The following PHEX variants were observed in gnomAD, a reference collection of about 807,000 sequenced individuals.
The protein encoded by PHEX is phosphate regulating endopeptidase X-linked, also known as phosphate-regulating neutral endopeptidase PHEX.
PHEX carries 16 observed loss-of-function variants against 68.0 expected under a neutral mutation model. The ratio of observed to expected loss-of-function variants is 0.24; its 90% CI spans 0.16 to 0.36. The LOEUF (loss-of-function observed/expected upper bound fraction) is 0.36, where lower values mean the gene tolerates loss of function less well. Among genes scored for constraint, PHEX ranks in the 10% least tolerant of loss-of-function variants. The probability of loss-of-function intolerance (pLI) is 1.00; values close to 1 mark genes in which losing one functional copy is unlikely to be tolerated. For missense variants in PHEX, 480 were observed against 575.5 expected, an observed-to-expected ratio of 0.83 and a Z score of 1.70; for synonymous variants, 208 against 205.1, an observed-to-expected ratio of 1.01 and a Z score of -0.12.
intron 3 of PHEX, among the ~76,000 whole-genome samples, chrX:22,061,947 G>T (rs1602262776): frequency 1.8e-5 from 2 of 111,780 alleles, no homozygotes; most frequent in East Asian, 5.6e-4. Context: ...TCAGGAAACT[G>T]AAAATCATGG....
At chrX:22,199,598 C>A (rs1000006276) in intron 15 of PHEX, among the ~76,000 whole-genome samples, 1 of 111,421 alleles carries the variant, frequency 9.0e-6, no homozygotes, top group African/African-American at 3.3e-5. Flanking sequence ...ATGCTACTTG[C>A]CTGTTAGTCA....
chrX:22,101,212 A>G (rs1236460349), intron 9 of PHEX, among the ~76,000 whole-genome samples: 1 of 111,914 alleles, frequency 8.9e-6, no homozygotes, highest in Non-Finnish European at 1.9e-5. Context: ...CAAATCCCAA[A>G]TCTCTTTCAC....
At chrX:22,206,531 A>G (rs1290175859) in intron 15 of PHEX, among the ~76,000 whole-genome samples, 1 of 111,606 alleles carries the variant, frequency 9.0e-6, no homozygotes, top group African/African-American at 3.3e-5. Flanking sequence ...ACTGTCTTAG[A>G]TGGTGGTAAG....
chrX:22,239,960 G>A (rs1051902531), intron 20 of PHEX, among the ~76,000 whole-genome samples: 31 of 111,787 alleles, frequency 2.8e-4, no homozygotes, highest in African/African-American at 9.7e-4. Flanking sequence ...AGGTTGAAAT[G>A]AAGGAAAAAA....
intron 14 of PHEX, among the ~76,000 whole-genome samples, chrX:22,184,392 A>G (rs144421437): frequency 0.017 from 1,874 of 111,215 alleles, 48 homozygotes; most frequent in African/African-American, 0.058. Context: ...GAGTAGCTCT[A>G]CTACACTAGT....
chrX:22,242,848 T>G (rs1354620901), intron 20 of PHEX, among the ~76,000 whole-genome samples: 2 of 111,882 alleles, frequency 1.8e-5, no homozygotes, highest in African/African-American at 6.5e-5. Flanking sequence ...AAAATGGCCA[T>G]ACTGCTCAAG....
In PHEX at chrX:22,032,994, A is replaced by G. The variant is rs2146974164; in HGVS notation, c.-12A>G. 3 of 1,171,201 alleles carry G rather than the reference A, an allele frequency of 2.6e-6. No individual in the cohort carries two copies. Among genetic ancestry groups the G allele is most frequent in the South Asian group, 1.8e-5 (1 of 56,010 alleles). On this transcript the variant is annotated 5_prime_UTR_variant, in exon 1 of 22. Transcript: ENST00000379374. ...GTGACTTTCTTCTCGTGTGCTCTCT[A>G]CGGCCCTTCTGATGGAAGCAGAAAC...
chrX:22,167,906 CCT>C (rs758641969), intron 12 of PHEX, among the ~76,000 whole-genome samples: 1 of 111,291 alleles, frequency 9.0e-6, no homozygotes, highest in Non-Finnish European at 1.9e-5. Context: ...CATATTTTTG[CCT>C]CTGTCTTTGC....
chrX:22,166,135 T>C (rs1046743975), intron 12 of PHEX, among the ~76,000 whole-genome samples: 1 of 112,095 alleles, frequency 8.9e-6, no homozygotes, highest in Non-Finnish European at 1.9e-5. Context: ...TTTGTCTATC[T>C]AAATGATGGT....
At chrX:22,040,054 G>T (rs925687458) in intron 2 of PHEX, among the ~76,000 whole-genome samples, 1 of 111,718 alleles carries the variant, frequency 9.0e-6, no homozygotes, top group East Asian at 2.8e-4. Flanking sequence ...AAACCTGGGG[G>T]TCCCACACAC....
chrX:22,222,019 C>T (rs1441208352), intron 18 of PHEX, among the ~76,000 whole-genome samples: 1 of 111,712 alleles, frequency 9.0e-6, no homozygotes, highest in African/African-American at 3.3e-5. Context: ...ATCTATTATA[C>T]TTGTAGATGA....
At chrX:22,141,863 C>A (rs1440170730) in intron 12 of PHEX, among the ~76,000 whole-genome samples, 1 of 112,290 alleles carries the variant, frequency 8.9e-6, no homozygotes. Flanking sequence ...GAAAGGCATT[C>A]TTGAACAATG....
intron 12 of PHEX, among the ~76,000 whole-genome samples, chrX:22,160,726 G>A (rs1933096021): frequency 9.0e-6 from 1 of 110,963 alleles, no homozygotes; most frequent in Admixed American, 9.6e-5. Flanking sequence ...GGGAATTATG[G>A]GAGCTACAAT....
chrX:22,172,321 C>T (rs1238046992), intron 13 of PHEX: 1 of 111,431 alleles, frequency 9.0e-6, no homozygotes, highest in Non-Finnish European at 1.9e-5. Context: ...TCAGTATTAG[C>T]CAGGAAAGCA....
At chrX:22,060,710 T>C (rs1168468086) in intron 3 of PHEX, among the ~76,000 whole-genome samples, 1 of 111,663 alleles carries the variant, frequency 9.0e-6, no homozygotes, top group Non-Finnish European at 1.9e-5. Flanking sequence ...CATTTCACTT[T>C]AGAAGATTGT....
At chrX:22,090,374 T>A (rs1336377230) in intron 5 of PHEX, 55 bp from the exon 6 acceptor site, 2 of 927,176 alleles carry the variant, frequency 2.2e-6, no homozygotes, top group South Asian at 2.0e-5. Context: ...CTTGTTAACA[T>A]GGTACGTAAG....
At chrX:22,165,808 C>G (rs1004284764) in intron 12 of PHEX, among the ~76,000 whole-genome samples, 2 of 111,765 alleles carry the variant, frequency 1.8e-5, no homozygotes, top group East Asian at 5.6e-4. Flanking sequence ...TAAAGTTTCT[C>G]TAAAGCAAGG....
At chrX:22,071,336 A>G (rs1448790396) in intron 3 of PHEX, among the ~76,000 whole-genome samples, 2 of 111,937 alleles carry the variant, frequency 1.8e-5, no homozygotes, top group Non-Finnish European at 3.8e-5. Flanking sequence ...TGAGATGTGA[A>G]AAAAAGAGAT....
chrX:22,141,390 G>A (rs1475271668), intron 12 of PHEX, among the ~76,000 whole-genome samples: 1 of 111,725 alleles, frequency 9.0e-6, no homozygotes, highest in East Asian at 2.8e-4. Context: ...TATTATTACT[G>A]CCTTTGTCTT....
Sources: allele counts gnomAD v4.1 joint callset (sites outside exome capture counted in the v4.1 genomes callset), GRCh38; gene constraint gnomAD v4.1.1; transcripts MANE v1.5; gene names NCBI Gene and HGNC (gene_info 2026-07-23, HGNC 2026-07-21).